Variants in SORCS3 observed in about 807,000 individuals in gnomAD.
SORCS3 encodes VPS10 domain-containing receptor SorCS3.
In SORCS3, 57 loss-of-function variants were observed where a neutral mutation model predicts 146.3. That is an observed-to-expected ratio of 0.39 (90% CI 0.31 to 0.49). SORCS3 has a LOEUF of 0.49. SORCS3 is among the 20% of genes least tolerant of loss of function. SORCS3 has a pLI of 0.92. For synonymous variants in SORCS3, 653 were observed against 618.5 expected, an observed-to-expected ratio of 1.06 and a Z score of -0.83; for missense variants, 1,341 against 1,575.5, an observed-to-expected ratio of 0.85 and a Z score of 2.52.
intron 1 of SORCS3, among the ~76,000 whole-genome samples, chr10:104,727,307 T>C (rs549504787): frequency 2.6e-5 from 4 of 152,358 alleles, no homozygotes; most frequent in African/African-American, 9.6e-5. Flanking sequence ...ATATTCATTG[T>C]ACTTTTGTGG....
At chr10:104,868,108 ATGGCTCAGCCCAGG>A (rs1260154210) in intron 2 of SORCS3, among the ~76,000 whole-genome samples, 1 of 152,196 alleles carries the variant, frequency 6.6e-6, no homozygotes, top group Non-Finnish European at 1.5e-5. Flanking sequence ...GAGGAGCCTC[ATGGCTCAGCCCAGG>A]TGGTTACATT....
intron 4 of SORCS3, among the ~76,000 whole-genome samples, chr10:105,006,946 T>C (rs955853695): frequency 9.9e-5 from 15 of 152,192 alleles, no homozygotes; most frequent in Admixed American, 9.2e-4. Context: ...GAATTAGAGC[T>C]CTAGGAAGGA....
chr10:104,842,330 C>G (rs965288493), intron 1 of SORCS3, among the ~76,000 whole-genome samples: 1 of 152,218 alleles, frequency 6.6e-6, no homozygotes, highest in Non-Finnish European at 1.5e-5. Context: ...CACAAAATCT[C>G]TTTGAACCCC....
At position 105,033,302 on chromosome 10, in the gene SORCS3, A is replaced by G. The variant is rs562595926; in HGVS notation, c.955-9753A>G. Among the ~76,000 whole-genome samples, 4 of 152,314 alleles carry G rather than the reference A, an allele frequency of 2.6e-5. No individual in the cohort carries two copies. In the South Asian group the frequency reaches 8.3e-4, roughly 32 times the overall value. ...GCAAGAAGGTAACATAAAAGATAGT[A>G]TGGTGTAGTAAAAAGAGCATTGAGT... On this transcript the variant is annotated intron_variant, in intron 4 of 26. Transcript: ENST00000369701.
chr10:105,017,845 G>T (rs1009557260), intron 4 of SORCS3, among the ~76,000 whole-genome samples: 2 of 152,182 alleles, frequency 1.3e-5, no homozygotes, highest in African/African-American at 4.8e-5. Context: ...TATATTCCCT[G>T]TAGTGGAATA....
At chr10:105,082,193 A>C (rs998746573) in intron 5 of SORCS3, among the ~76,000 whole-genome samples, 17 of 152,218 alleles carry the variant, frequency 1.1e-4, no homozygotes, top group Admixed American at 7.2e-4. Flanking sequence ...TTGTTACAGG[A>C]GCCTTGTGAA....
At position 104,856,536 on chromosome 10, in the gene SORCS3, AT is replaced by A. The variant is rs202016282; in HGVS notation, c.695+13678del. On this transcript the variant is annotated intron_variant, in intron 2 of 26. Coordinates refer to ENST00000369701, the MANE Select transcript of SORCS3 (RefSeq NM_014978.3). ...TATATACATAGAAATGTATGTATAT[AT>A]AAATATATACATAGAAATGTATGTA... Among the ~76,000 whole-genome samples the A allele has an allele frequency of 4.2e-3, 616 of 146,970 alleles. 5 individuals carry two copies. Among genetic ancestry groups the A allele is most frequent in the African/African-American group, 0.015 (589 of 40,572 alleles).
chr10:104,954,129 T>A (rs2133628555), intron 3 of SORCS3, among the ~76,000 whole-genome samples: 1 of 152,254 alleles, frequency 6.6e-6, no homozygotes, highest in East Asian at 1.9e-4. Flanking sequence ...TGATAGGGGG[T>A]TTGGTTACAA....
intron 1 of SORCS3, among the ~76,000 whole-genome samples, chr10:104,732,304 C>T (rs2016714921): frequency 6.6e-6 from 1 of 152,134 alleles, no homozygotes; most frequent in Non-Finnish European, 1.5e-5. Context: ...TAATAGCAGA[C>T]ATTTTGTGTA....
At chr10:104,775,092 C>G (rs1304290771) in intron 1 of SORCS3, among the ~76,000 whole-genome samples, 5 of 152,146 alleles carry the variant, frequency 3.3e-5, no homozygotes. Context: ...TTAACTCAAG[C>G]ATTTATTGAG....
chr10:105,119,489 G>A (rs1351685912), intron 7 of SORCS3, among the ~76,000 whole-genome samples: 4 of 152,146 alleles, frequency 2.6e-5, no homozygotes, highest in African/African-American at 7.2e-5. Context: ...CAGAATGATA[G>A]ATCTACCAAC....
intron 1 of SORCS3, among the ~76,000 whole-genome samples, chr10:104,841,870 C>T (rs11192202): frequency 0.099 from 15,128 of 152,168 alleles, 933 homozygotes; most frequent in South Asian, 0.24. Context: ...GATTATCACG[C>T]GTGCAGGCAG....
chr10:104,884,419 T>G (rs2018661532), intron 2 of SORCS3, among the ~76,000 whole-genome samples: 1 of 152,212 alleles, frequency 6.6e-6, no homozygotes, highest in Non-Finnish European at 1.5e-5. Context: ...TCATATGTTA[T>G]GTCAGAGACT....
At chr10:104,978,604 A>G (rs921925617) in intron 4 of SORCS3, among the ~76,000 whole-genome samples, 1 of 152,158 alleles carries the variant, frequency 6.6e-6, no homozygotes. Context: ...TCTGTGATCA[A>G]TCATGGGATC....
intron 5 of SORCS3, among the ~76,000 whole-genome samples, chr10:105,061,586 C>A (rs890909321): frequency 6.7e-6 from 1 of 150,116 alleles, no homozygotes; most frequent in Admixed American, 6.7e-5. Context: ...TGAGTCACTG[C>A]GCCTGGCCCC....
intron 1 of SORCS3, among the ~76,000 whole-genome samples, chr10:104,689,324 A>C (rs976315970): frequency 1.3e-5 from 2 of 152,162 alleles, no homozygotes; most frequent in African/African-American, 4.8e-5. Context: ...CCACTGGCCA[A>C]CTTGGCCTTC....
intron 4 of SORCS3, among the ~76,000 whole-genome samples, chr10:105,040,642 A>G (rs1287590706): frequency 1.3e-5 from 2 of 152,108 alleles, no homozygotes; most frequent in Non-Finnish European, 2.9e-5. Flanking sequence ...TGCTTCCTAA[A>G]CAATTGAATG....
At chr10:105,151,597 C>A (rs1288399221) in intron 9 of SORCS3, among the ~76,000 whole-genome samples, 1 of 152,038 alleles carries the variant, frequency 6.6e-6, no homozygotes, top group African/African-American at 2.4e-5. Flanking sequence ...TCTGCATGGA[C>A]CTCTGAAGCT....
intron 5 of SORCS3, among the ~76,000 whole-genome samples, chr10:105,074,156 G>A (rs190297980): frequency 3.3e-5 from 5 of 152,274 alleles, no homozygotes; most frequent in Admixed American, 2.6e-4. Flanking sequence ...TACATGCCAG[G>A]CATTTTCTTT....
Sources: gnomAD v4.1 joint callset for allele counts (sites outside exome capture counted in the v4.1 genomes callset) on GRCh38, gnomAD v4.1.1 for gene constraint, MANE v1.5 for transcripts, NCBI Gene and HGNC (gene_info 2026-07-23, HGNC 2026-07-21) for gene names.